ARAP2: variants seen among roughly 807,000 people sequenced by gnomAD.
ARAP2 encodes arf-GAP with Rho-GAP domain, ANK repeat and PH domain-containing protein 2.
Under a neutral mutation model 194.5 loss-of-function variants are expected in ARAP2, and 148 were observed. That is an observed-to-expected ratio of 0.76 (90% CI 0.67 to 0.87). ARAP2 has a LOEUF of 0.87. ARAP2 is among the 40% of genes least tolerant of loss of function. ARAP2 has a pLI of 0.00. For missense variants in ARAP2, 2,128 were observed against 1,989.7 expected, an observed-to-expected ratio of 1.07 and a Z score of -1.32; for synonymous variants, 695 against 683.5, an observed-to-expected ratio of 1.02 and a Z score of -0.26.
At chr4:36,068,639 C>T (rs1487958225) in intron 32 of ARAP2, among the ~76,000 whole-genome samples, 1 of 152,184 alleles carries the variant, frequency 6.6e-6, no homozygotes, top group African/African-American at 2.4e-5. Context: ...TGGCAATGAG[C>T]TGCAGCTTCC....
chr4:36,012,139 T>C (rs890769886), intron 9 of ARAP2, among the ~76,000 whole-genome samples: 1 of 152,196 alleles, frequency 6.6e-6, no homozygotes, highest in African/African-American at 2.4e-5. Context: ...CGATTCTTCA[T>C]AATATGTCAG....
At chr4:36,068,344 A>T in intron 32 of ARAP2, 66 bp from the exon 33 acceptor site, 1 of 1,466,466 alleles carries the variant, frequency 6.8e-7, no homozygotes, top group African/African-American at 1.4e-5. Context: ...TAGAAAGTGC[A>T]ATCCACATAA....
chr4:36,010,090 T>C (rs1175596604), intron 9 of ARAP2, among the ~76,000 whole-genome samples: 1 of 151,790 alleles, frequency 6.6e-6, no homozygotes. Context: ...CCTCCTTTGG[T>C]GAAAGGCACA....
chr4:36,007,746 C>T (rs1260645790), intron 9 of ARAP2, among the ~76,000 whole-genome samples: 1 of 152,072 alleles, frequency 6.6e-6, no homozygotes, highest in Non-Finnish European at 1.5e-5. Flanking sequence ...TGTTATTAAT[C>T]ATAAATATAC....
At chr4:36,042,828 C>G (rs544131299) in intron 5 of ARAP2, among the ~76,000 whole-genome samples, 1 of 140,956 alleles carries the variant, frequency 7.1e-6, no homozygotes, top group South Asian at 2.4e-4. Context: ...ATCCAATAAA[C>G]AAATGCGTTT....
Position 36,008,345 on chromosome 4 carries a change from T to C in ARAP2, n.1326-1299A>G, listed in dbSNP as rs375985397. 3.9e-3 allele frequency among the ~76,000 whole-genome samples: 598 copies of C among 152,026 alleles called. 2 individuals carry two copies. The highest frequency in any genetic ancestry group is 0.013 in the African/African-American group (527 of 41,492). On this transcript the variant is annotated intron_variant and non_coding_transcript_variant, in intron 9 of 12. Coordinates refer to the ARAP2 transcript ENST00000503225. ...CATGGTACTAGTACAAAAACACACATATAGACCAAAAGAAAAGAATAGAGA... is the reference window on the plus strand; with the variant it reads ...CATGGTACTAGTACAAAAACACACACATAGACCAAAAGAAAAGAATAGAGA...
intron 5 of ARAP2, among the ~76,000 whole-genome samples, chr4:36,045,170 T>C (rs975097544): frequency 6.6e-6 from 1 of 152,164 alleles, no homozygotes; most frequent in Non-Finnish European, 1.5e-5. Flanking sequence ...TATCATGGTA[T>C]CCAGCAATCC....
rs966597883 is a variant in ARAP2 at position 36,221,954 on chromosome 4, G to A, written c.905+6628C>T. ...AATAAAGGCGGGAAATTCTGCCAGC[G>A]CAAGTCCCACAGCTAAGAAGAAGAA... On this transcript the variant is annotated intron_variant, in intron 2 of 32. Transcript: ENST00000303965. 3.9e-5 allele frequency among the ~76,000 whole-genome samples: 6 copies of A among 152,094 alleles called. 1 individual carries two copies. Among genetic ancestry groups the A allele is most frequent in the Admixed American group, 2.0e-4 (3 of 15,252 alleles).
intron 28 of ARAP2, among the ~76,000 whole-genome samples, chr4:36,086,639 C>T (rs1271597121): frequency 6.6e-6 from 1 of 152,104 alleles, no homozygotes; most frequent in Non-Finnish European, 1.5e-5. Context: ...GTTCAATATA[C>T]TAGACTATTA....
Position 36,228,641 on chromosome 4 carries a change from A to G in ARAP2, c.846T>C (p.Phe282=), listed in dbSNP as rs1750838867. The G allele has an allele frequency of 6.2e-7, 1 of 1,614,080 alleles. No individual in the cohort carries two copies. Among genetic ancestry groups the G allele is most frequent in the Non-Finnish European group, 8.5e-7 (1 of 1,179,954 alleles). The change falls in exon 2 of 33, where the codon TTT becomes TTC. Residue 282 remains phenylalanine, a synonymous_variant. Coordinates refer to ENST00000303965, the MANE Select transcript of ARAP2 (RefSeq NM_015230.4). Reference sequence around the variant, plus strand: ...CTGGTACAGGTCGATGTCTTAGCAGAAAAGATCGAGATGGTCTTGAAACCA... The same window carrying G: ...CTGGTACAGGTCGATGTCTTAGCAGGAAAGATCGAGATGGTCTTGAAACCA... ...SKLVSRPSRS[F]LLRHRPVPEI... is the part of the protein sequence containing the mutation.
intron 9 of ARAP2, among the ~76,000 whole-genome samples, chr4:36,170,745 A>C (rs1280316903): frequency 1.3e-5 from 2 of 152,202 alleles, no homozygotes; most frequent in Non-Finnish European, 2.9e-5. Flanking sequence ...TAGTTCTGTG[A>C]AGTAAGCAGA....
intron 5 of ARAP2, among the ~76,000 whole-genome samples, chr4:36,022,115 CATGGGACCATCGTAGT>C (rs1560278551): frequency 1.3e-5 from 2 of 152,130 alleles, no homozygotes; most frequent in Non-Finnish European, 2.9e-5. Flanking sequence ...AATATGGTCT[CATGGGACCATCGTAGT>C]ATATGCAGTC....
chr4:36,140,649 A>C (rs1456462922), intron 19 of ARAP2, among the ~76,000 whole-genome samples: 1 of 151,728 alleles, frequency 6.6e-6, no homozygotes, highest in East Asian at 1.9e-4. Flanking sequence ...AACACATTCA[A>C]GGGGGAGAAA....
At chr4:36,184,325 T>A (rs180824839) in intron 8 of ARAP2, among the ~76,000 whole-genome samples, 1 of 152,066 alleles carries the variant, frequency 6.6e-6, no homozygotes, top group Admixed American at 6.5e-5. Flanking sequence ...CCACTTATCT[T>A]TAAAATCATG....
rs148360126 is a variant in ARAP2 at position 36,204,323 on chromosome 4, G to A, written c.1487+6067C>T. Among the ~76,000 whole-genome samples, 25 of 152,262 alleles carry A rather than the reference G, an allele frequency of 1.6e-4. No homozygotes were observed. In the East Asian group the frequency reaches 4.6e-3, roughly 28 times the overall value. ...CTGATCTGGAGAAGTATTATTTCCA[G>A]TTAAGATTTCTAAAACATAATAAAC... On this transcript the variant is annotated intron_variant, in intron 6 of 32. Transcript: ENST00000303965.
At chr4:36,152,855 G>T (rs185174985) in intron 15 of ARAP2, among the ~76,000 whole-genome samples, 1 of 152,224 alleles carries the variant, frequency 6.6e-6, no homozygotes, top group South Asian at 2.1e-4. Flanking sequence ...CAGAGAATCA[G>T]ATTACACGTG....
At chr4:36,163,456 G>C (rs1428971410) in intron 11 of ARAP2, among the ~76,000 whole-genome samples, 1 of 152,120 alleles carries the variant, frequency 6.6e-6, no homozygotes, top group Non-Finnish European at 1.5e-5. Flanking sequence ...ACAGTTGAGA[G>C]AAAAGGTAGC....
At chr4:36,195,366 G>A (rs573264540) in intron 6 of ARAP2, among the ~76,000 whole-genome samples, 2 of 152,274 alleles carry the variant, frequency 1.3e-5, no homozygotes, top group South Asian at 2.1e-4. Flanking sequence ...TAAATTCTCA[G>A]CATTAAATGT....
At chr4:36,224,922 G>T (rs548540469) in intron 2 of ARAP2, among the ~76,000 whole-genome samples, 4 of 152,144 alleles carry the variant, frequency 2.6e-5, no homozygotes, top group Non-Finnish European at 1.5e-5. Flanking sequence ...GCAAACAAAT[G>T]CTGATTACTT....
Sources: gnomAD v4.1 joint callset for allele counts (sites outside exome capture counted in the v4.1 genomes callset) on GRCh38, gnomAD v4.1.1 for gene constraint, MANE v1.5 for transcripts, NCBI Gene and HGNC (gene_info 2026-07-23, HGNC 2026-07-21) for gene names.